Variants in FARP1 observed in about 807,000 individuals in gnomAD.
The protein encoded by FARP1 is FERM, ARH/RhoGEF and pleckstrin domain protein 1, also known as FERM, ARHGEF and pleckstrin domain-containing protein 1.
A neutral mutation model predicts 128.8 loss-of-function variants in FARP1; 52 were observed. That is an observed-to-expected ratio of 0.40 (90% CI 0.32 to 0.51). The LOEUF (loss-of-function observed/expected upper bound fraction) is 0.51. Ranked by LOEUF, FARP1 falls within the 20% of genes least tolerant of loss-of-function variation. The pLI is 0.45. For missense variants in FARP1, 1,333 were observed against 1,367.9 expected (o/e 0.97, Z 0.40); for synonymous variants, 580 against 551.8 (o/e 1.05, Z -0.72).
chr13:98,189,930 A>G (rs1879115354), intron 1 of FARP1, among the ~76,000 whole-genome samples: 1 of 152,220 alleles, frequency 6.6e-6, no homozygotes, highest in Non-Finnish European at 1.5e-5. Flanking sequence ...AAACATTTTT[A>G]CCTTTTTCAT....
intron 7 of FARP1, among the ~76,000 whole-genome samples, 182 bp downstream of exon 7, chr13:98,385,026 A>AGTG (rs1298155217): frequency 6.6e-6 from 1 of 152,202 alleles, no homozygotes; most frequent in Non-Finnish European, 1.5e-5. Flanking sequence ...TCAGAAGCAC[A>AGTG]GGTCACCCAC....
At position 98,218,287 on chromosome 13, in the gene FARP1, G is replaced by C. The variant is rs1881210210; in HGVS notation, c.171+4874G>C. Among the ~76,000 whole-genome samples, 3 of 152,178 alleles carry C rather than the reference G, an allele frequency of 2.0e-5. No homozygotes were observed. The East Asian group carries it at 5.8e-4, about 29-fold the overall frequency. On this transcript the variant is annotated intron_variant, in intron 2 of 26. Coordinates refer to ENST00000319562, the MANE Select transcript of FARP1 (RefSeq NM_005766.4). ...TCCAGGCCAGCCTTCTCTCCTGACA[G>C]TGCTGATAGCTCACCTCCAATCAGA...
At chr13:98,422,325 C>T (rs1392903188) in intron 16 of FARP1, among the ~76,000 whole-genome samples, 1 of 152,150 alleles carries the variant, frequency 6.6e-6, no homozygotes, top group Non-Finnish European at 1.5e-5. Context: ...CTTCCCAGAA[C>T]CTTTTCAGGG....
chr13:98,281,481 G>A (rs1181211674), intron 2 of FARP1, among the ~76,000 whole-genome samples: 1 of 151,980 alleles, frequency 6.6e-6, no homozygotes, highest in Non-Finnish European at 1.5e-5. Context: ...GCAGTTATTT[G>A]CACCTGGCCT....
At chr13:98,280,460 G>A (rs1884879537) in intron 2 of FARP1, among the ~76,000 whole-genome samples, 1 of 152,176 alleles carries the variant, frequency 6.6e-6, no homozygotes, top group South Asian at 2.1e-4. Context: ...CCCTTCTTTA[G>A]GTGTCCTTCC....
chr13:98,445,086 CTGAGCAACTGG>C (rs1892740629), intron 24 of FARP1: 1 of 152,338 alleles, frequency 6.6e-6, no homozygotes, highest in African/African-American at 2.4e-5. Context: ...TGGACCCTCC[CTGAGCAACTGG>C]AGGGCAGGGA....
At chr13:98,380,393 C>T (rs1358808257) in intron 6 of FARP1, among the ~76,000 whole-genome samples, 1 of 150,916 alleles carries the variant, frequency 6.6e-6, no homozygotes, top group African/African-American at 2.4e-5. Flanking sequence ...CCCCACTGCC[C>T]TCCAGCCTGG....
intron 1 of FARP1, among the ~76,000 whole-genome samples, chr13:98,146,937 G>C (rs1006519383): frequency 6.6e-6 from 1 of 152,152 alleles, no homozygotes; most frequent in Non-Finnish European, 1.5e-5. Context: ...CTTTCTCTCT[G>C]TTTCACCCAT....
intron 1 of FARP1, among the ~76,000 whole-genome samples, chr13:98,149,432 T>C (rs1360595121): frequency 1.2e-4 from 19 of 152,210 alleles, no homozygotes; most frequent in Non-Finnish European, 2.4e-4. Context: ...GAACAAATCT[T>C]TGTGTAGAGA....
At chr13:98,384,709 T>C (rs1337054331) in intron 6 of FARP1, 21 bp from the exon 7 acceptor site, 1 of 1,498,096 alleles carries the variant, frequency 6.7e-7, no homozygotes, top group Non-Finnish European at 9.3e-7. Flanking sequence ...GTGACCTGTT[T>C]TTCTTTCTGT....
chr13:98,174,728 A>C (rs905571244), intron 1 of FARP1, among the ~76,000 whole-genome samples: 2 of 152,170 alleles, frequency 1.3e-5, no homozygotes, highest in African/African-American at 4.8e-5. Context: ...CTTGAATTAC[A>C]ATAATCGATA....
intron 6 of FARP1, among the ~76,000 whole-genome samples, chr13:98,381,340 CT>C (rs966857953): frequency 6.6e-6 from 1 of 152,142 alleles, no homozygotes; most frequent in Non-Finnish European, 1.5e-5. Flanking sequence ...TATATTACCC[CT>C]AATGGAAAAT....
chr13:98,318,353 G>A (rs1411883393), intron 2 of FARP1, among the ~76,000 whole-genome samples: 3 of 152,012 alleles, frequency 2.0e-5, no homozygotes, highest in African/African-American at 4.8e-5. Flanking sequence ...CACCACTCCC[G>A]ACTATCTCTT....
At chr13:98,350,477 T>G (rs1594432937) in intron 3 of FARP1, among the ~76,000 whole-genome samples, 1 of 152,160 alleles carries the variant, frequency 6.6e-6, no homozygotes, top group East Asian at 1.9e-4. Flanking sequence ...GATGGGCCAG[T>G]GTCAATCCAT....
chr13:98,364,580 A>C lies in FARP1; in HGVS notation c.277-815A>C, dbSNP rs1594448524. Among the ~76,000 whole-genome samples the C allele has an allele frequency of 3.3e-5, 5 of 152,332 alleles. No individual in the cohort carries two copies. In the South Asian group the frequency reaches 1.0e-3, roughly 32 times the overall value. ...CTCTTTCTATTAAGCACATTAACTTAGTTTTGTCATATATGCAAATATGAG... is the reference window on the plus strand; with the variant it reads ...CTCTTTCTATTAAGCACATTAACTTCGTTTTGTCATATATGCAAATATGAG... On this transcript the variant is annotated intron_variant, in intron 3 of 26. Coordinates refer to ENST00000319562, the MANE Select transcript of FARP1 (RefSeq NM_005766.4).
chr13:98,271,459 A>G (rs1009337708), intron 2 of FARP1, among the ~76,000 whole-genome samples: 1 of 152,174 alleles, frequency 6.6e-6, no homozygotes. Flanking sequence ...TTTGTTACAT[A>G]GGTATACATG....
At position 98,176,139 on chromosome 13, in the gene FARP1, T is replaced by G. The variant is rs764494395; in HGVS notation, c.-24+32647T>G. 2 of 1,598,150 alleles carry G rather than the reference T, an allele frequency of 1.3e-6. No homozygotes were observed. Among genetic ancestry groups the G allele is most frequent in the South Asian group, 2.2e-5 (2 of 90,162 alleles). On this transcript the variant is annotated intron_variant, in intron 1 of 26. Coordinates refer to ENST00000319562, the MANE Select transcript of FARP1 (RefSeq NM_005766.4). The surrounding 1 kb of genome is among the most constrained non-coding windows in gnomAD (Gnocchi z 6.2). ...TACTCAACAGGCTGCTTCTCCCCAG[T>G]GTACATACAGACTTGAGTCTTTCTT...
intron 1 of FARP1, among the ~76,000 whole-genome samples, chr13:98,153,330 A>ATT (rs71120310): frequency 4.6e-5 from 6 of 130,200 alleles, no homozygotes; most frequent in Admixed American, 9.4e-5. Context: ...TAAATAATAT[A>ATT]ATATATAAAA....
intron 1 of FARP1, among the ~76,000 whole-genome samples, chr13:98,181,639 T>TGAGAGAG (rs1174717373): frequency 2.2e-4 from 14 of 62,554 alleles, no homozygotes; most frequent in African/African-American, 6.0e-4. Context: ...TTTATTTATT[T>TGAGAGAG]ATTTGAGAGA....
Sources: allele counts gnomAD v4.1 joint callset (sites outside exome capture counted in the v4.1 genomes callset), GRCh38; gene constraint gnomAD v4.1.1; non-coding constraint Gnocchi (gnomAD v3.1); transcripts MANE v1.5; gene names NCBI Gene and HGNC (gene_info 2026-07-23, HGNC 2026-07-21).